Variants in PDP2 observed in about 807,000 individuals in gnomAD.
The protein encoded by PDP2 is pyruvate dehydrogenase phosphatase catalytic subunit 2.
Under a neutral mutation model 34.2 loss-of-function variants are expected in PDP2, and 23 were observed. The observed-to-expected ratio is 0.67, with a 90% CI of 0.48 to 0.95. PDP2 has a LOEUF of 0.95. Among genes scored for constraint, PDP2 ranks in the 40% least tolerant of loss-of-function variants. The pLI is 0.00. For synonymous variants in PDP2, 275 were observed against 269.2 expected, an observed-to-expected ratio of 1.02 and a Z score of -0.21; for missense variants, 571 against 659.6, an observed-to-expected ratio of 0.87 and a Z score of 1.47.
At position 66,890,750 on chromosome 16, in the gene PDP2, C is replaced by T. The variant is rs1260203087; in HGVS notation, c.*4876C>T. The T allele has an allele frequency of 2.0e-5, 3 of 152,138 alleles. No individual in the cohort carries two copies. Among genetic ancestry groups the T allele is most frequent in the African/African-American group, 7.2e-5 (3 of 41,430 alleles). The allele number at this position is 152,138 out of a possible 1,614,324, so 9.4% of individuals were successfully genotyped here. A position where few individuals can be genotyped will look rare whatever the true frequency, so the allele number is the denominator to read the frequency against. ...AAGTGGATCATTTGACTCTGAAACA[C>T]GATTCTCATGGCAGAAAAAGCCCTG... On this transcript the variant is annotated 3_prime_UTR_variant, in exon 2 of 2. Coordinates refer to ENST00000311765, the MANE Select transcript of PDP2 (RefSeq NM_020786.4).
chr16:66,886,567 G>A lies in PDP2; in HGVS notation c.*693G>A. The A allele has an allele frequency of 2.1e-6, 1 of 468,172 alleles. No homozygotes were observed. Among genetic ancestry groups the A allele is most frequent in the Non-Finnish European group, 4.4e-6 (1 of 224,764 alleles). The allele number at this position is 468,172 out of a possible 1,614,324, so 29.0% of individuals were successfully genotyped here. On this transcript the variant is annotated 3_prime_UTR_variant, in exon 2 of 2. Coordinates refer to ENST00000311765, the MANE Select transcript of PDP2 (RefSeq NM_020786.4). ...TTCAGCTGATAGGATCTATGCCTCT[G>A]GACCAGCTGAACTTACTGGTGCAGC...
In PDP2 at chr16:66,888,326, G is replaced by T. The variant is rs1961873248; in HGVS notation, c.*2452G>T. The T allele has an allele frequency of 6.6e-6, 1 of 151,926 alleles. No individual in the cohort carries two copies. Among genetic ancestry groups the T allele is most frequent in the African/African-American group, 2.4e-5 (1 of 41,344 alleles). The allele number at this position is 151,926 out of a possible 1,614,324, so 9.4% of individuals were successfully genotyped here. ...AATCTGCCCACCTCGGCCTCCCAAG[G>T]TGCTGGGATGATAGGCATGAGCCAC... On this transcript the variant is annotated 3_prime_UTR_variant, in exon 2 of 2. Coordinates refer to ENST00000311765, the MANE Select transcript of PDP2 (RefSeq NM_020786.4).
At position 66,884,256 on chromosome 16, in the gene PDP2, AG is replaced by A. The variant is rs748638994; in HGVS notation, c.-27del. ...GTTTAAAAATATCCTTTTTTGCTGA[AG>A]GAACACATTTGCTGGTATAGTTTCA... On this transcript the variant is annotated 5_prime_UTR_variant, in exon 2 of 2. Transcript: ENST00000311765. The A allele has an allele frequency of 1.3e-5, 19 of 1,497,990 alleles. No individual in the cohort carries two copies. The East Asian group carries it at 4.1e-4, about 33-fold the overall frequency. The allele number at this position is 1,497,990 out of a possible 1,614,324, so 92.8% of individuals were successfully genotyped here. A position where few individuals can be genotyped will look rare whatever the true frequency, so the allele number is the denominator to read the frequency against.
intron 1 of PDP2, among the ~76,000 whole-genome samples, chr16:66,881,593 C>T (rs1961520297): frequency 6.6e-6 from 1 of 152,126 alleles, no homozygotes; most frequent in Non-Finnish European, 1.5e-5. Context: ...CTTGGACCTA[C>T]TGACTCCTTG....
Position 66,885,626 on chromosome 16 carries a change from T to G in PDP2, c.1342T>G (p.Leu448Val). Residue 448 changes from leucine to valine, a missense_variant, in exon 2 of 2, where the codon TTG becomes GTG. Leu to Val is a conservative substitution (Grantham distance 32). Coordinates refer to ENST00000311765, the MANE Select transcript of PDP2 (RefSeq NM_020786.4). The surrounding 1 kb of genome is among the most constrained non-coding windows in gnomAD (Gnocchi z 4.6). ...KTDLAQRPAN[L>V]GLMQSLLLQR... is the part of the protein sequence containing the mutation. Reference sequence around the variant, plus strand: ...AGACCTGGCCCAGAGACCCGCCAACTTGGGGCTCATGCAGAGCCTGCTGCT... The same window carrying G: ...AGACCTGGCCCAGAGACCCGCCAACGTGGGGCTCATGCAGAGCCTGCTGCT... 1 of 1,614,036 alleles carries G rather than the reference T, an allele frequency of 6.2e-7. No individual in the cohort carries two copies.
At position 66,886,466 on chromosome 16, in the gene PDP2, C is replaced by T. The variant is rs1382374570; in HGVS notation, c.*592C>T. The T allele has an allele frequency of 1.9e-5, 8 of 428,728 alleles. No homozygotes were observed. The highest frequency in any genetic ancestry group is 8.3e-5 in the African/African-American group (4 of 48,114). 26.6% of individuals were successfully genotyped at this position (428,728 alleles called of 1,614,324 possible). On this transcript the variant is annotated 3_prime_UTR_variant, in exon 2 of 2. Coordinates refer to ENST00000311765, the MANE Select transcript of PDP2 (RefSeq NM_020786.4). The stretch of plus-strand genomic sequence containing the variant: ...TAATACTACATTCTAGTTCTGTTTT[C>T]GTTTATTTTAAAACTGAATCCTTAA...
In PDP2 at chr16:66,886,172, G is replaced by C. The variant is rs965671724; in HGVS notation, c.*298G>C. 4 of 337,696 alleles carry C rather than the reference G, an allele frequency of 1.2e-5. No homozygotes were observed. The Admixed American group carries it at 1.3e-4, about 11-fold the overall frequency. 20.9% of individuals were successfully genotyped at this position (337,696 alleles called of 1,614,324 possible). ...CATTTGATAAAGATGTTGTTAAACT[G>C]TGTCAGCCTGAGCCTTCAAAGGGTA... On this transcript the variant is annotated 3_prime_UTR_variant, in exon 2 of 2. Coordinates refer to ENST00000311765, the MANE Select transcript of PDP2 (RefSeq NM_020786.4).
At position 66,888,648 on chromosome 16, in the gene PDP2, A is replaced by G. The variant is rs1397957466; in HGVS notation, c.*2774A>G. 6.6e-6 allele frequency: 1 copy of G among 152,192 alleles called. No individual in the cohort carries two copies. The highest frequency in any genetic ancestry group is 1.5e-5 in the Non-Finnish European group (1 of 68,054). 9.4% of individuals were successfully genotyped at this position (152,192 alleles called of 1,614,324 possible). ...TAAAAAAACTTTTTTTGGTGAAAAC[A>G]TGATCTTGCTATGTTGCTCAGGCTG... is the stretch of plus-strand genomic sequence containing the variant. On this transcript the variant is annotated 3_prime_UTR_variant, in exon 2 of 2. Transcript: ENST00000311765.
rs951688239 is a variant in PDP2 at position 66,888,034 on chromosome 16, C to A, written c.*2160C>A. 4 of 146,216 alleles carry A rather than the reference C, an allele frequency of 2.7e-5. No homozygotes were observed. In the East Asian group the frequency reaches 6.3e-4, roughly 23 times the overall value. The allele number at this position is 146,216 out of a possible 1,614,324, so 9.1% of individuals were successfully genotyped here. On this transcript the variant is annotated 3_prime_UTR_variant, in exon 2 of 2. Transcript: ENST00000311765. ...CCTTCCTTCCTTCCTTCCTTCCTTC[C>A]TTCCTTCCTTCCTTCCTTCCTTCCT... is the stretch of plus-strand genomic sequence containing the variant.
rs1415138641 is a variant in PDP2, at chr16:66,884,657, G to C, written c.373G>C (p.Gly125Arg). 4.3e-6 allele frequency: 7 copies of C among 1,614,262 alleles called. No individual in the cohort carries two copies. The African/African-American group carries it at 6.7e-5, about 15-fold the overall frequency. The change falls in exon 2 of 2, where the codon GGT becomes CGT. Residue 125 changes from glycine (G) to arginine (R), a missense_variant. By Grantham distance (125) the Gly-to-Arg change is moderately radical (BLOSUM62 -2). Around this residue, in one of 2 missense-constraint regions of PDP2, gnomAD observed 290 missense variants for 283.8 expected, o/e 1.02. Transcript: ENST00000311765. ...AANSPVEDRRGVASCLQTNGL... is the reference protein window; with the variant it reads ...AANSPVEDRRRVASCLQTNGL... ...CAATTCCCCAGTGGAGGACCGGCGA[G>C]GTGTAGCCTCCTGCCTGCAAACCAA...
chr16:66,882,805 CT>C (rs1961578065), intron 1 of PDP2, among the ~76,000 whole-genome samples: 1 of 152,116 alleles, frequency 6.6e-6, no homozygotes, highest in African/African-American at 2.4e-5. Context: ...AGTTTATAGA[CT>C]AGTGGGGAAA....
Position 66,885,722 on chromosome 16 carries a change from G to C in PDP2, c.1438G>C (p.Gly480Arg). 1 of 1,614,010 alleles carries C rather than the reference G, an allele frequency of 6.2e-7. No homozygotes were observed. Among genetic ancestry groups the C allele is most frequent in the East Asian group, 2.2e-5 (1 of 44,870 alleles). Residue 480 changes from glycine (G) to arginine (R), a missense_variant, in exon 2 of 2, where the codon GGG (glycine) becomes CGG (arginine). Gly to Arg is a moderately radical substitution (Grantham distance 125). Coordinates refer to ENST00000311765, the MANE Select transcript of PDP2 (RefSeq NM_020786.4). The surrounding 1 kb of genome is among the most constrained non-coding windows in gnomAD (Gnocchi z 4.6). ...AATRLIRHAI[G>R]NNEYGEMEAE... ...CACGCGGCTGATCAGACATGCCATCGGGAACAATGAGTATGGGGAGATGGA... is the reference window on the plus strand; with the variant it reads ...CACGCGGCTGATCAGACATGCCATCCGGAACAATGAGTATGGGGAGATGGA...
rs1406303632 is a variant in PDP2 at position 66,885,974 on chromosome 16, G to A, written c.*100G>A. 17 of 1,264,864 alleles carry A rather than the reference G, an allele frequency of 1.3e-5. No individual in the cohort carries two copies. Among genetic ancestry groups the A allele is most frequent in the Middle Eastern group, 2.1e-4 (1 of 4,732 alleles). 78.4% of individuals were successfully genotyped at this position (1,264,864 alleles called of 1,614,324 possible). A position where few individuals can be genotyped will look rare whatever the true frequency, so the allele number is the denominator to read the frequency against. ...CCAAACCTTACTATTAAAAGCGCAG[G>A]CAGATTTAATTTGCTAAATAGACTA... On this transcript the variant is annotated 3_prime_UTR_variant, in exon 2 of 2. Transcript: ENST00000311765. This position sits in a 1 kb window ranked among gnomAD's most constrained non-coding sequence, Gnocchi z 4.6.
In PDP2 at chr16:66,886,639, C is replaced by T. The variant is rs1719070216; in HGVS notation, c.*765C>T. On this transcript the variant is annotated 3_prime_UTR_variant, in exon 2 of 2. Coordinates refer to ENST00000311765, the MANE Select transcript of PDP2 (RefSeq NM_020786.4). ...CCCATTCCAGAAACTTTGAGCCATGCTAGGAGGTAACTAGTCTATGCCTTA... is the reference window on the plus strand; with the variant it reads ...CCCATTCCAGAAACTTTGAGCCATGTTAGGAGGTAACTAGTCTATGCCTTA... 2.3e-6 allele frequency: 1 copy of T among 428,518 alleles called. No homozygotes were observed. The highest frequency in any genetic ancestry group is 2.1e-5 in the African/African-American group (1 of 48,662). The allele number at this position is 428,518 out of a possible 1,614,324, so 26.5% of individuals were successfully genotyped here. A position where few individuals can be genotyped will look rare whatever the true frequency, so the allele number is the denominator to read the frequency against.
chr16:66,884,120 G>T (rs972621349), intron 1 of PDP2, 111 bp from the exon 2 acceptor site: 1 of 548,834 alleles, frequency 1.8e-6, no homozygotes, highest in African/African-American at 2.1e-5. Flanking sequence ...CTTGCAGTGA[G>T]CAGAGATCAC....
rs1309574253 is a variant in PDP2, at chr16:66,885,426, C to T, written c.1142C>T (p.Pro381Leu). The T allele has an allele frequency of 1.2e-6, 2 of 1,613,836 alleles. No homozygotes were observed. The highest frequency in any genetic ancestry group is 3.3e-5 in the Admixed American group (2 of 60,020). ...EALNIYQFTP[P>L]HYYTPPYLTA... ...CTCAACATTTACCAGTTCACACCCC[C>T]ACACTACTACACTCCACCCTACCTG... The change falls in exon 2 of 2, where the codon CCA becomes CTA. Residue 381 changes from proline (P) to leucine (L), a missense_variant. This residue lies in a region of PDP2 where 281 missense variants were observed against 375.8 expected (regional missense o/e 0.75). Coordinates refer to ENST00000311765, the MANE Select transcript of PDP2 (RefSeq NM_020786.4). The surrounding 1 kb of genome is among the most constrained non-coding windows in gnomAD (Gnocchi z 4.6).
At position 66,884,796 on chromosome 16, in the gene PDP2, A is replaced by T. The variant is rs760746049; in HGVS notation, c.512A>T (p.Glu171Val). 1 of 1,614,126 alleles carries T rather than the reference A, an allele frequency of 6.2e-7. No individual in the cohort carries two copies. The highest frequency in any genetic ancestry group is 1.1e-5 in the South Asian group (1 of 91,086). The change falls in exon 2 of 2, where the codon GAG (glutamate) becomes GTG (valine). Residue 171 changes from glutamate (E) to valine (V), a missense_variant. By Grantham distance (121) the Glu-to-Val change is moderately radical. Transcript: ENST00000311765. ...AVSLMSHQTLEHMEGAMESMK... is the reference protein window; with the variant it reads ...AVSLMSHQTLVHMEGAMESMK... ...TCCCTGATGTCCCACCAGACCCTGG[A>T]GCACATGGAGGGAGCTATGGAAAGC... is the stretch of plus-strand genomic sequence containing the variant.
At position 66,886,503 on chromosome 16, in the gene PDP2, C is replaced by T. The variant is rs749694985; in HGVS notation, c.*629C>T. ...AACTGAATCCTTAAACTTGCAAACACGCCTACTGTAAGCATGCTTGGAATG... is the reference window on the plus strand; with the variant it reads ...AACTGAATCCTTAAACTTGCAAACATGCCTACTGTAAGCATGCTTGGAATG... On this transcript the variant is annotated 3_prime_UTR_variant, in exon 2 of 2. Transcript: ENST00000311765. The T allele has an allele frequency of 5.0e-5, 23 of 464,136 alleles. No individual in the cohort carries two copies. Among genetic ancestry groups the T allele is most frequent in the Admixed American group, 3.1e-4 (13 of 42,186 alleles). The allele number at this position is 464,136 out of a possible 1,614,324, so 28.8% of individuals were successfully genotyped here. A position where few individuals can be genotyped will look rare whatever the true frequency, so the allele number is the denominator to read the frequency against.
Position 66,884,264 on chromosome 16 carries a change from AT to A in PDP2, c.-18del, listed in dbSNP as rs1567515943. On this transcript the variant is annotated 5_prime_UTR_variant, in exon 2 of 2. Transcript: ENST00000311765. ...ATATCCTTTTTTGCTGAAGGAACAC[AT>A]TTGCTGGTATAGTTTCAGAATGTCA... The A allele has an allele frequency of 1.3e-6, 2 of 1,520,944 alleles. No individual in the cohort carries two copies. The highest frequency in any genetic ancestry group is 1.8e-6 in the Non-Finnish European group (2 of 1,131,418). 94.2% of individuals were successfully genotyped at this position (1,520,944 alleles called of 1,614,324 possible).
Sources: gnomAD v4.1 joint callset for allele counts (sites outside exome capture counted in the v4.1 genomes callset) on GRCh38, gnomAD v4.1.1 for gene constraint, gnomAD v4.1.1 regional missense constraint, Gnocchi (gnomAD v3.1) non-coding constraint, MANE v1.5 for transcripts, NCBI Gene and HGNC (gene_info 2026-07-23, HGNC 2026-07-21) for gene names.